The following ABCC5 variants were observed in gnomAD, a reference collection of about 807,000 sequenced individuals.
The protein encoded by ABCC5 is ATP-binding cassette sub-family C member 5.
ABCC5 carries 61 observed loss-of-function variants against 160.9 expected under a neutral mutation model. The observed-to-expected ratio is 0.38, with a 90% confidence interval of 0.31 to 0.47. The LOEUF is 0.47. Among genes scored for constraint, ABCC5 ranks in the 20% least tolerant of loss-of-function variants. The pLI is 0.99. For synonymous variants in ABCC5, 666 were observed against 700.6 expected (o/e 0.95, Z 0.78); for missense variants, 1,308 against 1,813.3 (o/e 0.72, Z 5.06).
chr3:183,937,331 C>T (rs778237832), intron 26 of ABCC5, among the ~76,000 whole-genome samples: 10 of 152,128 alleles, frequency 6.6e-5, no homozygotes, highest in African/African-American at 1.2e-4. Context: ...GAGTCAAGAT[C>T]GTGCCACTGC....
Position 183,977,604 on chromosome 3 carries a change from G to C in ABCC5, c.1317C>G (p.Val439=). Reference sequence around the variant, plus strand: ...TCAAAGCAAAAGTCATGGAATTGAAGACTGTCACCACTGTGAAAGCCTGAA... The same window carrying C: ...TCAAAGCAAAAGTCATGGAATTGAACACTGTCACCACTGTGAAAGCCTGAA... ...TAAQAFTVVT[V]FNSMTFALKV... The change falls in exon 10 of 30, where the codon GTC becomes GTG. Residue 439 remains valine (V), a synonymous_variant. Coordinates refer to ENST00000334444, the MANE Select transcript of ABCC5 (RefSeq NM_005688.4). The C allele has an allele frequency of 6.2e-7, 1 of 1,613,914 alleles. No homozygotes were observed. Among genetic ancestry groups the C allele is most frequent in the Non-Finnish European group, 8.5e-7 (1 of 1,179,808 alleles).
chr3:183,942,738 C>T lies in ABCC5; in HGVS notation c.3683G>A (p.Arg1228Gln), dbSNP rs774673907. 6.2e-6 allele frequency: 10 copies of T among 1,613,618 alleles called. No individual in the cohort carries two copies. The East Asian group carries it at 1.1e-4, about 18-fold the overall frequency. Residue 1228 changes from arginine to glutamine, a missense_variant, in exon 25 of 30, where the codon CGG becomes CAG. This residue lies in a region of ABCC5 where 163 missense variants were observed against 269.7 expected (regional missense o/e 0.60). Transcript: ENST00000334444. ...TTGCACATCCTTACCTGATCCTGTC[C>T]GCCCCACAATGCCAATCTTCTCTTT... The part of the protein sequence containing the change: ...KPKEKIGIVG[R>Q]TGSGKSSLGM...
At chr3:183,978,450 T>G in intron 9 of ABCC5, 53 bp downstream of exon 9, 1 of 1,584,368 alleles carries the variant, frequency 6.3e-7, no homozygotes, top group Non-Finnish European at 8.6e-7. Context: ...TGCCTCAGCC[T>G]CCAGCAAATG....
In ABCC5 at chr3:184,016,667, G is replaced by A. The variant is rs2108942830; in HGVS notation, c.-56+1163C>T. ...TATCAAGAGAGGAAGAAAGAGAAGG[G>A]ATTTTTGTTTGTAAAAAACAAACCT... On this transcript the variant is annotated intron_variant, in intron 1 of 29. Transcript: ENST00000334444. Among the ~76,000 whole-genome samples, 2 of 152,312 alleles carry A rather than the reference G, an allele frequency of 1.3e-5. 1 individual carries two copies. The highest frequency in any genetic ancestry group is 4.1e-4 in the South Asian group (2 of 4,830).
At chr3:183,957,727 C>CACATCGGTTACATGCAGATCCGTGTGTAT (rs1716265861) in intron 17 of ABCC5, among the ~76,000 whole-genome samples, 3 of 81,620 alleles carry the variant, frequency 3.7e-5, no homozygotes, top group Admixed American at 1.3e-4. Context: ...TCCGTGTGTA[C>CACATCGGTTACATGCAGATCCGTGTGTAT]ATCACATCGG....
intron 2 of ABCC5, among the ~76,000 whole-genome samples, chr3:183,990,862 G>A (rs141728802): frequency 5.9e-5 from 9 of 152,260 alleles, no homozygotes; most frequent in African/African-American, 1.2e-4. Context: ...CTTATCCCCC[G>A]TTTACTCTAA....
intron 2 of ABCC5, among the ~76,000 whole-genome samples, chr3:183,990,834 G>A (rs1463183980): frequency 6.6e-6 from 1 of 152,196 alleles, no homozygotes; most frequent in South Asian, 2.1e-4. Flanking sequence ...AAGAGGGTGG[G>A]TCAAGAATCT....
intron 18 of ABCC5, 63 bp from the exon 19 acceptor site, chr3:183,952,066 C>A: frequency 6.4e-7 from 1 of 1,551,984 alleles, no homozygotes. Context: ...CCCTGCTCAG[C>A]GCCATTCTCA....
At chr3:183,931,524 G>A (rs1490065932) in intron 26 of ABCC5, among the ~76,000 whole-genome samples, 1 of 152,148 alleles carries the variant, frequency 6.6e-6, no homozygotes, top group Non-Finnish European at 1.5e-5. Context: ...GGTAGAGATA[G>A]GGTTTTGCCA....
In ABCC5 at chr3:183,985,005, G is replaced by A. The variant is rs1719079112; in HGVS notation, c.592-1998C>T. ...GCGCCTCCCAGATGGGAGGAGCAGG[G>A]AAGGTAAAAGACATAGTGAATGTTT... On this transcript the variant is annotated intron_variant, in intron 5 of 29. Transcript: ENST00000334444. 10 of 901,794 alleles carry A rather than the reference G, an allele frequency of 1.1e-5. No homozygotes were observed. In the South Asian group the frequency reaches 1.5e-4, roughly 14 times the overall value. The allele number at this position is 901,794 out of a possible 1,614,324, so 55.9% of individuals were successfully genotyped here.
chr3:183,925,603 C>T lies in ABCC5; in HGVS notation c.4164G>A (p.Leu1388=), dbSNP rs756027163. Residue 1388 remains leucine, a synonymous_variant, in exon 29 of 30, where the codon CTG becomes CTA. Coordinates refer to ENST00000334444, the MANE Select transcript of ABCC5 (RefSeq NM_005688.4). ...DCTMLTIAHR[L]HTVLGSDRIM... ...TCCTATCGGAGCCTAGAACCGTGTG[C>T]AGGCGATGGGCAATGGTCAGCATGG... is the stretch of plus-strand genomic sequence containing the variant. 2.4e-5 allele frequency: 39 copies of T among 1,613,910 alleles called. 1 individual carries two copies. The South Asian group carries it at 3.6e-4, about 15-fold the overall frequency.
At chr3:183,986,253 T>A (rs922113887) in intron 5 of ABCC5, 3 of 152,228 alleles carry the variant, frequency 2.0e-5, no homozygotes, top group Non-Finnish European at 2.9e-5. Context: ...AGATTATGGA[T>A]GAGTCCATTA....
chr3:184,001,960 C>G (rs762201609), intron 2 of ABCC5, among the ~76,000 whole-genome samples: 2 of 152,126 alleles, frequency 1.3e-5, no homozygotes, highest in Non-Finnish European at 2.9e-5. Flanking sequence ...GATCCAGGAG[C>G]TGAGAAAAAT....
At chr3:183,973,049 CTTTTTTTT>C (rs11289102) in intron 10 of ABCC5, among the ~76,000 whole-genome samples, 1 of 108,384 alleles carries the variant, frequency 9.2e-6, no homozygotes, top group Non-Finnish European at 1.8e-5. Context: ...TTTGAATCCA[CTTTTTTTT>C]TTTTTTTTTT....
At chr3:183,985,764 G>A (rs1280620247) in intron 5 of ABCC5, 3 of 295,876 alleles carry the variant, frequency 1.0e-5, no homozygotes, top group Admixed American at 8.7e-5. Flanking sequence ...TATGACCCCC[G>A]GGCACCCTGC....
Position 183,959,846 on chromosome 3 carries a change from T to C in ABCC5, c.2380-11A>G. The C allele has an allele frequency of 6.4e-7, 1 of 1,565,890 alleles. No homozygotes were observed. The highest frequency in any genetic ancestry group is 8.7e-7 in the Non-Finnish European group (1 of 1,152,728). On this transcript the variant is annotated splice_polypyrimidine_tract_variant and intron_variant, in intron 16 of 29. Coordinates refer to ENST00000334444, the MANE Select transcript of ABCC5 (RefSeq NM_005688.4). ...CTTTTTTGAATTGATCTAATAATAT[T>C]TAAAAAAAAAAGTCTCCAGTCATGT...
chr3:183,979,131 G>A (rs756269636), intron 8 of ABCC5, among the ~76,000 whole-genome samples: 18 of 152,274 alleles, frequency 1.2e-4, no homozygotes, highest in Non-Finnish European at 2.1e-4. Context: ...AATCACCTGA[G>A]GTCAGGTGTT....
chr3:183,936,420 G>C (rs1713724696), intron 26 of ABCC5, among the ~76,000 whole-genome samples: 1 of 152,152 alleles, frequency 6.6e-6, no homozygotes, highest in Admixed American at 6.5e-5. Context: ...GGAGGGGATA[G>C]TTTTAAAACA....
At chr3:183,927,729 G>A in intron 27 of ABCC5, 1 of 985,380 alleles carries the variant, frequency 1.0e-6, no homozygotes, top group Non-Finnish European at 1.2e-6. Flanking sequence ...TGGGCCTTAA[G>A]TTTTGGTTCT....
Sources: gnomAD v4.1 joint callset for allele counts (sites outside exome capture counted in the v4.1 genomes callset) on GRCh38, gnomAD v4.1.1 for gene constraint, gnomAD v4.1.1 regional missense constraint, MANE v1.5 for transcripts, NCBI Gene and HGNC (gene_info 2026-07-23, HGNC 2026-07-21) for gene names.